The following ZNF420 variants were observed in gnomAD, a reference collection of about 807,000 sequenced individuals.
The protein encoded by ZNF420 is ATM and p53-associated KZNF protein.
ZNF420 carries 31 observed loss-of-function variants against 44.7 expected under a neutral mutation model. That is an observed-to-expected ratio of 0.69 (90% confidence interval 0.52 to 0.94). The LOEUF is 0.94. ZNF420 is among the 40% of genes least tolerant of loss of function. The pLI, the probability that ZNF420 is intolerant of heterozygous loss-of-function variation, is 0.00. For synonymous variants in ZNF420, 245 were observed against 267.4 expected (o/e 0.92, Z 0.82); for missense variants, 681 against 827.9 (o/e 0.82, Z 2.18).
At chr19:37,062,439 T>C (rs559030288) in intron 1 of ZNF420, among the ~76,000 whole-genome samples, 46 of 152,342 alleles carry the variant, frequency 3.0e-4, no homozygotes, top group African/African-American at 1.0e-3. Context: ...ATCTTTTATT[T>C]TCCTCTGAGA....
chr19:37,099,893 G>A (rs2146591729), intron 4 of ZNF420, among the ~76,000 whole-genome samples: 2 of 152,198 alleles, frequency 1.3e-5, no homozygotes, highest in East Asian at 3.9e-4. Flanking sequence ...AAAGAGCTGG[G>A]ATTATAGATG....
intron 1 of ZNF420, among the ~76,000 whole-genome samples, chr19:37,079,360 G>A (rs751536313): frequency 2.6e-5 from 4 of 152,092 alleles, no homozygotes; most frequent in Non-Finnish European, 5.9e-5. Flanking sequence ...GGTATTTCTG[G>A]GGTTCATTTG....
chr19:37,017,097 A>G (rs976282232), intron 1 of ZNF420, among the ~76,000 whole-genome samples: 2 of 152,200 alleles, frequency 1.3e-5, no homozygotes, highest in Non-Finnish European at 2.9e-5. Flanking sequence ...CCTTTATTGT[A>G]TAATAAACTA....
Position 37,128,040 on chromosome 19 carries a change from T to C in ZNF420, c.1049T>C (p.Leu350Pro). 1 of 1,613,890 alleles carries C rather than the reference T, an allele frequency of 6.2e-7. No individual in the cohort carries two copies. Among genetic ancestry groups the C allele is most frequent in the Non-Finnish European group, 8.5e-7 (1 of 1,179,918 alleles). The change falls in exon 5 of 5, where the codon CTG becomes CCG. Residue 350 changes from leucine to proline, a missense_variant. By Grantham distance (98) the Leu-to-Pro change is moderately conservative (BLOSUM62 -3). Around this residue, in one of 3 missense-constraint regions of ZNF420, gnomAD observed 51 missense variants for 106.8 expected, o/e 0.48. Transcript: ENST00000337995. ...AGGGCCTTTATTCGGGGCTCACTAC[T>C]GATGCAACATCAGAGGATTCATACT... ...CGRAFIRGSL[L>P]MQHQRIHTGE...
At chr19:37,032,039 C>T (rs935140286) in intron 1 of ZNF420, among the ~76,000 whole-genome samples, 5 of 151,982 alleles carry the variant, frequency 3.3e-5, no homozygotes, top group Admixed American at 6.6e-5. Flanking sequence ...GGTGAAACCC[C>T]ATCTCTACTA....
At chr19:37,120,483 A>G (rs1002883675) in intron 4 of ZNF420, among the ~76,000 whole-genome samples, 1 of 152,182 alleles carries the variant, frequency 6.6e-6, no homozygotes, top group African/African-American at 2.4e-5. Context: ...TCAAAATAAT[A>G]AGAGCTATCT....
intron 1 of ZNF420, among the ~76,000 whole-genome samples, chr19:37,020,259 G>A (rs1296115664): frequency 6.9e-6 from 1 of 145,960 alleles, no homozygotes; most frequent in Non-Finnish European, 1.5e-5. Context: ...ATTAAAAACT[G>A]CCTAAATCCA....
chr19:37,120,434 T>TA (rs1970962486), intron 4 of ZNF420, among the ~76,000 whole-genome samples: 2 of 152,168 alleles, frequency 1.3e-5, no homozygotes, highest in East Asian at 3.9e-4. Flanking sequence ...CCCTTCATGC[T>TA]AAAAACTCTC....
At chr19:37,106,889 C>T (rs1478781881) in intron 4 of ZNF420, 1 of 151,934 alleles carries the variant, frequency 6.6e-6, no homozygotes, top group Non-Finnish European at 1.5e-5. Context: ...AACATGTAAA[C>T]AAAAGTCTCT....
upstream of ZNF420, among the ~76,000 whole-genome samples, chr19:37,073,693 C>T (rs1046278834): frequency 6.8e-6 from 1 of 146,332 alleles, no homozygotes; most frequent in Non-Finnish European, 1.5e-5. Context: ...TGAGCCGAGC[C>T]GAGATCATGC....
At chr19:37,033,289 T>C (rs947554755) in intron 1 of ZNF420, among the ~76,000 whole-genome samples, 7 of 152,150 alleles carry the variant, frequency 4.6e-5, no homozygotes, top group African/African-American at 1.7e-4. Context: ...CCGTCACACT[T>C]TCCATCATCT....
chr19:37,008,121 G>A, intron 1 of ZNF420: 1 of 286,420 alleles, frequency 3.5e-6, no homozygotes. Context: ...TCAATTCGAG[G>A]ACAGGTCTGC....
At chr19:37,067,508 A>G (rs1407320707) in intron 1 of ZNF420, among the ~76,000 whole-genome samples, 1 of 148,250 alleles carries the variant, frequency 6.7e-6, no homozygotes, top group African/African-American at 2.6e-5. Flanking sequence ...TAGTACTTAG[A>G]TAGCGAATGT....
intron 1 of ZNF420, among the ~76,000 whole-genome samples, chr19:37,028,848 C>T (rs367713619): frequency 1.4e-4 from 21 of 152,258 alleles, no homozygotes; most frequent in African/African-American, 4.8e-4. Flanking sequence ...GGCTATGTGG[C>T]CAGGTCAGAT....
chr19:37,033,345 C>G (rs77650917), intron 1 of ZNF420, among the ~76,000 whole-genome samples: 2,052 of 152,264 alleles, frequency 0.013, 54 homozygotes, highest in African/African-American at 0.047. Flanking sequence ...ACTCTGTACC[C>G]TTTAAACAAT....
At chr19:37,121,683 C>T (rs1245370175) in intron 4 of ZNF420, among the ~76,000 whole-genome samples, 1 of 152,174 alleles carries the variant, frequency 6.6e-6, no homozygotes, top group Non-Finnish European at 1.5e-5. Context: ...TCAGAGTGAA[C>T]AGGCAACCAA....
intron 1 of ZNF420, among the ~76,000 whole-genome samples, chr19:37,009,250 A>G (rs949553217): frequency 6.6e-6 from 1 of 152,146 alleles, no homozygotes; most frequent in Non-Finnish European, 1.5e-5. Context: ...AGGTTGCGTT[A>G]GGGCTACCTA....
chr19:37,129,816 G>C lies in ZNF420; in HGVS notation c.*758G>C. ...CACAGCTGTTAGAGAAGTGGGACAA[G>C]GTGTGAAGTGATTTTTAACGAAGTC... On this transcript the variant is annotated 3_prime_UTR_variant, in exon 5 of 5. Coordinates refer to ENST00000337995, the MANE Select transcript of ZNF420 (RefSeq NM_144689.5). The C allele has an allele frequency of 2.0e-6, 1 of 489,850 alleles. No individual in the cohort carries two copies. Among genetic ancestry groups the C allele is most frequent in the Non-Finnish European group, 3.4e-6 (1 of 296,754 alleles). The allele number at this position is 489,850 out of a possible 1,614,324, so 30.3% of individuals were successfully genotyped here.
At chr19:37,008,073 C>T (rs757338472) in exon 1 of ZNF420, 5 of 262,146 alleles carry the variant, frequency 1.9e-5, no homozygotes, top group Non-Finnish European at 3.7e-5. Context: ...CCTGCCCGGA[C>T]GGTGTGCGGG....
Sources: gnomAD v4.1 joint callset for allele counts (sites outside exome capture counted in the v4.1 genomes callset) on GRCh38, gnomAD v4.1.1 for gene constraint, gnomAD v4.1.1 regional missense constraint, MANE v1.5 for transcripts, NCBI Gene and HGNC (gene_info 2026-07-23, HGNC 2026-07-21) for gene names.